Variants in ZSWIM5 observed in about 807,000 individuals in gnomAD.
The protein encoded by ZSWIM5 is zinc finger SWIM-type containing 5.
In ZSWIM5, 55 loss-of-function variants were observed where a neutral mutation model predicts 119.6. The ratio of observed to expected loss-of-function variants is 0.46; its 90% CI spans 0.37 to 0.58. The LOEUF is 0.58. ZSWIM5 is among the 20% of genes least tolerant of loss of function. The pLI is 0.00. For missense variants in ZSWIM5, 1,193 were observed against 1,512.8 expected (o/e 0.79, Z 3.51); for synonymous variants, 537 against 606.9 (o/e 0.88, Z 1.69).
At chr1:45,172,138 A>AG (rs1165846878) in intron 1 of ZSWIM5, among the ~76,000 whole-genome samples, 4 of 152,098 alleles carry the variant, frequency 2.6e-5, no homozygotes, top group Non-Finnish European at 4.4e-5. Context: ...TCAAAAAAAA[A>AG]GGAAAGATAA....
At chr1:45,199,735 C>T (rs1646148173) in intron 1 of ZSWIM5, among the ~76,000 whole-genome samples, 1 of 152,164 alleles carries the variant, frequency 6.6e-6, no homozygotes, top group South Asian at 2.1e-4. Context: ...CTCTCAGAGT[C>T]AAATATTCAC....
intron 1 of ZSWIM5, among the ~76,000 whole-genome samples, chr1:45,099,982 T>C (rs2149017033): frequency 1.3e-5 from 2 of 152,246 alleles, no homozygotes; most frequent in East Asian, 3.9e-4. Context: ...CTTTGAAAAC[T>C]GGCACAAGAC....
chr1:45,094,909 T>C (rs560130504), intron 1 of ZSWIM5, among the ~76,000 whole-genome samples: 36 of 150,678 alleles, frequency 2.4e-4, no homozygotes, highest in African/African-American at 6.6e-4. Context: ...TGAGTCCCCA[T>C]GTATGCATCA....
chr1:45,044,748 T>A (rs370859193), intron 5 of ZSWIM5, among the ~76,000 whole-genome samples: 88 of 714 alleles, frequency 0.12, 17 homozygotes, highest in African/African-American at 0.19. Context: ...AAAAAAAAAA[T>A]ATATATATAT....
chr1:45,069,323 G>T (rs1028343591), intron 2 of ZSWIM5, among the ~76,000 whole-genome samples: 1 of 152,028 alleles, frequency 6.6e-6, no homozygotes, highest in African/African-American at 2.4e-5. Flanking sequence ...CTACTGGGGA[G>T]GCTGAAGTAG....
intron 1 of ZSWIM5, among the ~76,000 whole-genome samples, chr1:45,108,803 T>C (rs10128015): frequency 0.021 from 3,146 of 152,242 alleles, 117 homozygotes; most frequent in African/African-American, 0.072. Flanking sequence ...AATAATCTAA[T>C]GAAAAATGCC....
At chr1:45,081,259 CCCTCT>C in intron 2 of ZSWIM5, among the ~76,000 whole-genome samples, 1 of 151,508 alleles carries the variant, frequency 6.6e-6, no homozygotes, top group Non-Finnish European at 1.5e-5. Context: ...CTCTCCCTCT[CCCTCT>C]CCCTCTCCCT....
intron 1 of ZSWIM5, among the ~76,000 whole-genome samples, chr1:45,152,551 T>A (rs906909397): frequency 4.6e-5 from 7 of 152,102 alleles, no homozygotes; most frequent in African/African-American, 1.7e-4. Context: ...GTTAGAGATA[T>A]GCAGAAAAAT....
At chr1:45,093,562 G>A (rs952684222) in intron 1 of ZSWIM5, among the ~76,000 whole-genome samples, 2 of 152,222 alleles carry the variant, frequency 1.3e-5, no homozygotes, top group Non-Finnish European at 2.9e-5. Context: ...CATGCTTCAG[G>A]CCTAGGCCCA....
At chr1:45,197,455 G>A (rs887671232) in intron 1 of ZSWIM5, among the ~76,000 whole-genome samples, 14 of 152,050 alleles carry the variant, frequency 9.2e-5, no homozygotes, top group South Asian at 8.3e-4. Flanking sequence ...AGATTCATCC[G>A]TGTTGCTAGC....
intron 1 of ZSWIM5, among the ~76,000 whole-genome samples, chr1:45,168,773 T>C (rs1645926825): frequency 2.6e-5 from 4 of 151,586 alleles, no homozygotes; most frequent in Middle Eastern, 3.4e-3. Flanking sequence ...CATTTAAAAA[T>C]ATCTGGTTTC....
At chr1:45,144,612 T>C (rs1472292257) in intron 1 of ZSWIM5, among the ~76,000 whole-genome samples, 4 of 152,286 alleles carry the variant, frequency 2.6e-5, no homozygotes, top group Middle Eastern at 3.4e-3. Context: ...TTTCAATATA[T>C]AGGACTGGAC....
intron 1 of ZSWIM5, among the ~76,000 whole-genome samples, chr1:45,155,573 A>G (rs1215481977): frequency 6.6e-6 from 1 of 152,178 alleles, no homozygotes; most frequent in East Asian, 1.9e-4. Flanking sequence ...AAACTTGCAC[A>G]TGCATGTTTA....
chr1:45,062,196 G>A (rs1645156185), intron 2 of ZSWIM5, among the ~76,000 whole-genome samples: 1 of 152,152 alleles, frequency 6.6e-6, no homozygotes, highest in Admixed American at 6.5e-5. Context: ...ACCTCCAAGT[G>A]ACAATAGTCC....
At chr1:45,131,922 A>T (rs927744984) in intron 1 of ZSWIM5, among the ~76,000 whole-genome samples, 1 of 151,490 alleles carries the variant, frequency 6.6e-6, no homozygotes, top group Non-Finnish European at 1.5e-5. Context: ...GAGAGAACAT[A>T]AAGATTGGAG....
chr1:45,043,888 G>A (rs552395573), intron 5 of ZSWIM5, among the ~76,000 whole-genome samples: 2 of 152,218 alleles, frequency 1.3e-5, no homozygotes, highest in East Asian at 3.9e-4. Flanking sequence ...TTCATATTAA[G>A]AGTTGAAATA....
chr1:45,093,508 G>C (rs1164939726), intron 1 of ZSWIM5, among the ~76,000 whole-genome samples: 1 of 152,240 alleles, frequency 6.6e-6, no homozygotes, highest in Non-Finnish European at 1.5e-5. Context: ...TTTGAGCTGT[G>C]TAAATGTTTG....
chr1:45,191,026 A>T (rs1249268570), intron 1 of ZSWIM5, among the ~76,000 whole-genome samples: 1 of 135,576 alleles, frequency 7.4e-6, no homozygotes, highest in Non-Finnish European at 1.5e-5. Flanking sequence ...CTCTCACTGC[A>T]AGCTGCGCCT....
intron 1 of ZSWIM5, among the ~76,000 whole-genome samples, chr1:45,174,864 G>A (rs1186508657): frequency 1.3e-5 from 2 of 152,020 alleles, no homozygotes; most frequent in Non-Finnish European, 1.5e-5. Flanking sequence ...AGTTGTCAAC[G>A]TACTGCCTTA....
Sources: gnomAD v4.1 joint callset for allele counts (sites outside exome capture counted in the v4.1 genomes callset) on GRCh38, gnomAD v4.1.1 for gene constraint, MANE v1.5 for transcripts, NCBI Gene and HGNC (gene_info 2026-07-23, HGNC 2026-07-21) for gene names.